HEPH: variants seen among roughly 807,000 people sequenced by gnomAD.
HEPH encodes the protein hephaestin.
In HEPH, 69 loss-of-function variants were observed where a neutral mutation model predicts 80.8. That is an observed-to-expected ratio of 0.85 (90% CI 0.70 to 1.04). The LOEUF (loss-of-function observed/expected upper bound fraction) is 1.04, where lower values mean the gene tolerates loss of function less well. HEPH is among the 50% of genes least tolerant of loss of function. The probability of loss-of-function intolerance (pLI) is 0.00; values close to 1 mark genes in which losing one functional copy is unlikely to be tolerated. For missense variants in HEPH, 1,115 were observed against 891.3 expected, an observed-to-expected ratio of 1.25 and a Z score of -3.20; for synonymous variants, 431 against 322.8, an observed-to-expected ratio of 1.34 and a Z score of -3.60.
At chrX:66,208,993 C>T (rs1173052727) in intron 15 of HEPH, among the ~76,000 whole-genome samples, 1 of 110,383 alleles carries the variant, frequency 9.1e-6, no homozygotes, top group South Asian at 3.9e-4. Context: ...TAATCATAAT[C>T]TTGTCAACAT....
intron 4 of HEPH, among the ~76,000 whole-genome samples, chrX:66,179,152 C>T (rs1431082152): frequency 8.9e-6 from 1 of 112,114 alleles, no homozygotes; most frequent in Admixed American, 9.5e-5. Context: ...CCAGTTTCAG[C>T]TTTCTACATA....
chrX:66,210,593 TAATC>T (rs1296360772), intron 15 of HEPH, among the ~76,000 whole-genome samples: 1 of 111,000 alleles, frequency 9.0e-6, no homozygotes, highest in Non-Finnish European at 1.9e-5. Flanking sequence ...GGTACTAAAA[TAATC>T]AATAAATGAC....
chrX:66,223,368 A>T (rs2089733856), intron 15 of HEPH, among the ~76,000 whole-genome samples: 1 of 111,828 alleles, frequency 8.9e-6, no homozygotes, highest in African/African-American at 3.2e-5. Flanking sequence ...TAGACCAAAG[A>T]AACCCAAACA....
intron 1 of HEPH, among the ~76,000 whole-genome samples, chrX:66,169,458 GC>G (rs1436472478): frequency 9.0e-6 from 1 of 111,285 alleles, no homozygotes; most frequent in Non-Finnish European, 1.9e-5. Context: ...ATCACTGAGT[GC>G]TTCGTCCTAG....
intron 12 of HEPH, 49 bp downstream of exon 12, chrX:66,200,801 A>C (rs762823846): frequency 9.8e-7 from 1 of 1,016,111 alleles, no homozygotes; most frequent in East Asian, 3.1e-5. Flanking sequence ...GTATAGGGCC[A>C]GGAATGGGGT....
At chrX:66,260,813 C>T (rs2091336995) in intron 19 of HEPH, among the ~76,000 whole-genome samples, 1 of 109,594 alleles carries the variant, frequency 9.1e-6, no homozygotes, top group Non-Finnish European at 1.9e-5. Context: ...GTCACCCAGG[C>T]TGGAGTGCTG....
At chrX:66,165,521 G>C (rs1205310004) in intron 1 of HEPH, among the ~76,000 whole-genome samples, 5 of 111,252 alleles carry the variant, frequency 4.5e-5, no homozygotes, top group Admixed American at 9.6e-5. Context: ...ACTGAGAAAG[G>C]GAGATGGAGG....
At chrX:66,235,413 A>G (rs981904086) in intron 15 of HEPH, among the ~76,000 whole-genome samples, 1 of 112,142 alleles carries the variant, frequency 8.9e-6, no homozygotes, top group African/African-American at 3.2e-5. Context: ...TCTTCTGCAT[A>G]TGGCTAGTGA....
At chrX:66,238,526 C>A (rs2090446643) in intron 15 of HEPH, among the ~76,000 whole-genome samples, 1 of 111,145 alleles carries the variant, frequency 9.0e-6, no homozygotes, top group Non-Finnish European at 1.9e-5. Context: ...GCCTGCATGA[C>A]AAAGTGAGAC....
chrX:66,240,648 T>C (rs1047904000), intron 15 of HEPH, among the ~76,000 whole-genome samples: 1 of 111,115 alleles, frequency 9.0e-6, no homozygotes, highest in Non-Finnish European at 1.9e-5. Context: ...TATAGCAATT[T>C]TTTCATCAGA....
At chrX:66,209,019 C>A (rs2088968186) in intron 15 of HEPH, among the ~76,000 whole-genome samples, 1 of 110,768 alleles carries the variant, frequency 9.0e-6, no homozygotes, top group Non-Finnish European at 1.9e-5. Context: ...TTTATTAATT[C>A]ATTCATTGAA....
chrX:66,259,072 CAATT>C, intron 18 of HEPH, 93 bp downstream of exon 18: 1 of 885,667 alleles, frequency 1.1e-6, no homozygotes, highest in Non-Finnish European at 1.5e-6. Context: ...GAACAGGTAA[CAATT>C]AGTTAAAGAG....
intron 17 of HEPH, among the ~76,000 whole-genome samples, chrX:66,256,852 T>A (rs1209892014): frequency 2.7e-5 from 3 of 112,293 alleles, no homozygotes; most frequent in Non-Finnish European, 5.6e-5. Flanking sequence ...AGAAGCATAC[T>A]GGATTTATGT....
At chrX:66,233,957 A>G (rs757657470) in intron 15 of HEPH, among the ~76,000 whole-genome samples, 10 of 110,822 alleles carry the variant, frequency 9.0e-5, no homozygotes, top group African/African-American at 3.3e-4. Context: ...AGTTTGTTAT[A>G]TAGGTAAACT....
At chrX:66,170,960 G>A (rs1215950963) in intron 2 of HEPH, among the ~76,000 whole-genome samples, 1 of 111,500 alleles carries the variant, frequency 9.0e-6, no homozygotes, top group South Asian at 3.8e-4. Flanking sequence ...GTCCTAAAGA[G>A]AATTCCATAT....
At chrX:66,247,158 G>T (rs1478514367) in intron 15 of HEPH, among the ~76,000 whole-genome samples, 3 of 109,414 alleles carry the variant, frequency 2.7e-5, no homozygotes, top group Admixed American at 2.0e-4. Context: ...GTAGAGTTTT[G>T]CTAATCCTAC....
intron 19 of HEPH, among the ~76,000 whole-genome samples, chrX:66,261,160 A>T (rs2091347971): frequency 8.9e-6 from 1 of 111,979 alleles, no homozygotes; most frequent in Non-Finnish European, 1.9e-5. Flanking sequence ...CAGCCTCCCA[A>T]ATCGCTGGGA....
intron 16 of HEPH, 126 bp from the exon 17 acceptor site, chrX:66,255,979 T>A: frequency 2.2e-6 from 1 of 462,463 alleles, no homozygotes; most frequent in Non-Finnish European, 3.7e-6. Context: ...CTTATAAATG[T>A]AAGATATCAT....
chrX:66,263,594 G>T (rs572597694), intron 19 of HEPH, 50 bp from the exon 20 acceptor site: 1 of 1,182,715 alleles, frequency 8.5e-7, no homozygotes, highest in Non-Finnish European at 1.1e-6. Context: ...CCTATGGATT[G>T]GTAGGAAGAA....
Sources: allele counts gnomAD v4.1 joint callset (sites outside exome capture counted in the v4.1 genomes callset), GRCh38; gene constraint gnomAD v4.1.1; transcripts MANE v1.5; gene names NCBI Gene and HGNC (gene_info 2026-07-23, HGNC 2026-07-21).